MARCHF1: variants seen among roughly 807,000 people sequenced by gnomAD.
The protein encoded by MARCHF1 is membrane associated ring-CH-type finger 1.
In MARCHF1, 40 loss-of-function variants were observed where a neutral mutation model predicts 54.2. The ratio of observed to expected loss-of-function variants is 0.74; its 90% CI spans 0.57 to 0.96. The LOEUF is 0.96. Among genes scored for constraint, MARCHF1 ranks in the 40% least tolerant of loss-of-function variants. MARCHF1 has a pLI of 0.00. For missense variants in MARCHF1, 586 were observed against 656.5 expected (o/e 0.89, Z 1.17); for synonymous variants, 236 against 236.3 (o/e 1.00, Z 0.01).
intron 2 of MARCHF1, among the ~76,000 whole-genome samples, chr4:164,093,163 T>C (rs1755338945): frequency 6.6e-6 from 1 of 152,170 alleles, no homozygotes. Context: ...TCTTTCTTTC[T>C]CCTATTGTTT....
intron 2 of MARCHF1, among the ~76,000 whole-genome samples, chr4:164,087,298 T>C (rs1010285735): frequency 6.6e-5 from 10 of 152,248 alleles, no homozygotes; most frequent in African/African-American, 2.4e-4. Flanking sequence ...ACAAATGTAT[T>C]GTCTAGAACC....
At chr4:163,659,133 G>A (rs1743254959) in intron 5 of MARCHF1, among the ~76,000 whole-genome samples, 1 of 151,710 alleles carries the variant, frequency 6.6e-6, no homozygotes, top group African/African-American at 2.4e-5. Flanking sequence ...CTTCCTCATT[G>A]TCTTTTGTGT....
At chr4:164,034,068 C>CAGATAGATAGAT (rs199977044) in intron 2 of MARCHF1, among the ~76,000 whole-genome samples, 10 of 110,064 alleles carry the variant, frequency 9.1e-5, no homozygotes, top group East Asian at 2.4e-4. Flanking sequence ...ATGTGATAGA[C>CAGATAGATAGAT]AGATAGATAG....
At chr4:163,613,131 G>A (rs2110932297) in intron 6 of MARCHF1, 93 bp from the exon 7 acceptor site, 2 of 1,280,576 alleles carry the variant, frequency 1.6e-6, no homozygotes, top group Non-Finnish European at 1.0e-6. Context: ...TGACAGCATG[G>A]ACCAGAAGTA....
At chr4:163,656,878 C>T (rs1459379807) in intron 5 of MARCHF1, among the ~76,000 whole-genome samples, 1 of 152,008 alleles carries the variant, frequency 6.6e-6, no homozygotes, top group African/African-American at 2.4e-5. Context: ...TAAAAACTCT[C>T]AACAAACTAG....
chr4:164,190,289 C>A, intron 1 of MARCHF1: 2 of 795,534 alleles, frequency 2.5e-6, no homozygotes, highest in South Asian at 3.3e-5. Context: ...GAAGTGCAAG[C>A]CCTCTCCCAG....
intron 1 of MARCHF1, among the ~76,000 whole-genome samples, chr4:164,310,578 G>A (rs1232550352): frequency 6.6e-6 from 1 of 151,450 alleles, no homozygotes; most frequent in African/African-American, 2.4e-5. Flanking sequence ...TTCTGTCTAT[G>A]AAAATGTGTT....
At chr4:163,564,433 T>C (rs1443846689) in intron 8 of MARCHF1, among the ~76,000 whole-genome samples, 1 of 152,232 alleles carries the variant, frequency 6.6e-6, no homozygotes, top group East Asian at 1.9e-4. Context: ...ATCTAATAAA[T>C]GTGCAGCATG....
chr4:163,721,004 A>T (rs895844604), intron 4 of MARCHF1, among the ~76,000 whole-genome samples: 2 of 152,094 alleles, frequency 1.3e-5, no homozygotes, highest in Non-Finnish European at 2.9e-5. Context: ...TCTTTTCCTA[A>T]TTGAATACCT....
At position 164,213,077 on chromosome 4, in the gene MARCHF1, ATGTG is replaced by A. The variant is rs58709997; in HGVS notation, c.-322-101419_-322-101416del. Among the ~76,000 whole-genome samples the A allele has an allele frequency of 6.0e-3, 909 of 151,738 alleles. 13 individuals carry two copies. Among genetic ancestry groups the A allele is most frequent in the African/African-American group, 0.021 (877 of 41,394 alleles). On this transcript the variant is annotated intron_variant, in intron 1 of 9. Coordinates refer to ENST00000514618, the MANE Select transcript of MARCHF1 (RefSeq NM_001394959.1). Reference sequence around the variant, plus strand: ...ATATATTACTGCATATATATTATATATGTGTGTGTGTGTGCTTATGTCATATATG... The same window carrying A: ...ATATATTACTGCATATATATTATATATGTGTGTGTGCTTATGTCATATATG...
At chr4:163,680,598 T>A (rs1038476419) in intron 5 of MARCHF1, among the ~76,000 whole-genome samples, 8 of 152,228 alleles carry the variant, frequency 5.3e-5, no homozygotes, top group African/African-American at 1.7e-4. Flanking sequence ...TCTTGCCACA[T>A]CTGAATTCTT....
At chr4:163,677,436 GC>G (rs1743955888) in intron 5 of MARCHF1, among the ~76,000 whole-genome samples, 1 of 152,064 alleles carries the variant, frequency 6.6e-6, no homozygotes, top group African/African-American at 2.4e-5. Context: ...GCTCCTTCTT[GC>G]CTTGGAATCT....
In MARCHF1 at chr4:163,857,390, G is replaced by A. The variant is rs535621980; in HGVS notation, c.-38-3221C>T. Among the ~76,000 whole-genome samples, 12 of 152,156 alleles carry A rather than the reference G, an allele frequency of 7.9e-5. 1 individual carries two copies. In the South Asian group the frequency reaches 2.1e-3, roughly 26 times the overall value. On this transcript the variant is annotated intron_variant, in intron 3 of 9. Coordinates refer to ENST00000514618, the MANE Select transcript of MARCHF1 (RefSeq NM_001394959.1). ...TCTGGAGTACTCATCATATTTTTAG[G>A]TGTAAGAATGTGCTGTCAGCCAGAA... is the stretch of plus-strand genomic sequence containing the variant.
At chr4:164,263,791 T>G (rs1260262923) in intron 1 of MARCHF1, among the ~76,000 whole-genome samples, 2 of 152,028 alleles carry the variant, frequency 1.3e-5, no homozygotes, top group Non-Finnish European at 2.9e-5. Context: ...AAAACCATAA[T>G]GAGATACCAT....
intron 1 of MARCHF1, among the ~76,000 whole-genome samples, chr4:164,203,977 C>T (rs1006796946): frequency 6.6e-6 from 1 of 152,196 alleles, no homozygotes; most frequent in African/African-American, 2.4e-5. Flanking sequence ...TGTATTCACA[C>T]ATCTGATTTA....
At chr4:164,058,185 G>T (rs139975382) in intron 2 of MARCHF1, among the ~76,000 whole-genome samples, 4,577 of 152,106 alleles carry the variant, frequency 0.03, 82 homozygotes, top group Non-Finnish European at 0.041. Flanking sequence ...ATGGGTTGAC[G>T]GGTGCAACAA....
chr4:163,855,801 C>T (rs1403957070), intron 3 of MARCHF1, among the ~76,000 whole-genome samples: 1 of 152,136 alleles, frequency 6.6e-6, no homozygotes, highest in Admixed American at 6.5e-5. Flanking sequence ...TAAAGGTAGC[C>T]AACTTCTTAT....
chr4:163,918,529 G>T (rs1751359127), intron 3 of MARCHF1, among the ~76,000 whole-genome samples: 1 of 152,078 alleles, frequency 6.6e-6, no homozygotes, highest in Admixed American at 6.6e-5. Flanking sequence ...CTATCTGATT[G>T]TGGGGGAAAT....
chr4:163,647,752 G>C (rs936290492), intron 5 of MARCHF1, among the ~76,000 whole-genome samples: 6 of 151,698 alleles, frequency 4.0e-5, no homozygotes, highest in Admixed American at 3.3e-4. Context: ...ATAGGATATA[G>C]CCAAAGCAGT....
Sources: allele counts gnomAD v4.1 joint callset (sites outside exome capture counted in the v4.1 genomes callset), GRCh38; gene constraint gnomAD v4.1.1; transcripts MANE v1.5; gene names NCBI Gene and HGNC (gene_info 2026-07-23, HGNC 2026-07-21).